The following FRY variants were observed in gnomAD, a reference collection of about 807,000 sequenced individuals.
FRY encodes FRY microtubule binding protein.
A neutral mutation model predicts 348.4 loss-of-function variants in FRY; 128 were observed. That is an observed-to-expected ratio of 0.37 (90% CI 0.32 to 0.43). The LOEUF is 0.43. Among genes scored for constraint, FRY ranks in the 20% least tolerant of loss-of-function variants. FRY has a pLI of 1.00. For synonymous variants in FRY, 1,370 were observed against 1,374.7 expected, an observed-to-expected ratio of 1.00 and a Z score of 0.08; for missense variants, 2,736 against 3,695.2, an observed-to-expected ratio of 0.74 and a Z score of 6.73.
In FRY at chr13:32,264,835, G is replaced by A. The variant is rs148079283; in HGVS notation, c.7780-615G>A. On this transcript the variant is annotated intron_variant, in intron 53 of 60. Coordinates refer to ENST00000542859, the MANE Select transcript of FRY (RefSeq NM_023037.3). ...TCTTAGAGGATCCCCTATATGGAAA[G>A]ACCGAGCAACCCAGCAGGCTCAGGG... 1.8e-3 allele frequency among the ~76,000 whole-genome samples: 276 copies of A among 152,304 alleles called. 1 individual carries two copies. The highest frequency in any genetic ancestry group is 6.2e-3 in the African/African-American group (258 of 41,566).
At chr13:32,113,490 A>G (rs866129966) in intron 3 of FRY, among the ~76,000 whole-genome samples, 6 of 152,238 alleles carry the variant, frequency 3.9e-5, no homozygotes, top group Non-Finnish European at 4.4e-5. Context: ...AAACATTTAC[A>G]AAGTACATTT....
At chr13:32,119,950 G>A (rs1473951557) in intron 4 of FRY, among the ~76,000 whole-genome samples, 2 of 152,072 alleles carry the variant, frequency 1.3e-5, no homozygotes, top group African/African-American at 2.4e-5. Context: ...AATTTGACTT[G>A]CTCAAAGTTA....
chr13:32,085,643 A>T (rs1875807310), intron 2 of FRY, among the ~76,000 whole-genome samples: 1 of 152,044 alleles, frequency 6.6e-6, no homozygotes, highest in African/African-American at 2.4e-5. Context: ...CATGTAGGAG[A>T]TGCTCATTTG....
At chr13:32,177,044 A>C (rs890241757) in intron 20 of FRY, among the ~76,000 whole-genome samples, 2 of 152,162 alleles carry the variant, frequency 1.3e-5, no homozygotes, top group Non-Finnish European at 2.9e-5. Flanking sequence ...GGCCACAATT[A>C]TAACACTCTT....
intron 1 of FRY, among the ~76,000 whole-genome samples, chr13:32,071,325 T>C (rs368541375): frequency 6.6e-6 from 1 of 152,246 alleles, no homozygotes; most frequent in African/African-American, 2.4e-5. Context: ...TTCATGGATA[T>C]TGATTCTTCC....
chr13:32,293,688 C>T (rs1478336221), intron 59 of FRY, among the ~76,000 whole-genome samples: 1 of 152,090 alleles, frequency 6.6e-6, no homozygotes, highest in Non-Finnish European at 1.5e-5. Flanking sequence ...CCTTTGGTTC[C>T]AGTAACTTCG....
chr13:32,041,283 C>CTTTTTTTTTTTTTT (rs11286980), intron 1 of FRY, among the ~76,000 whole-genome samples: 1 of 65,006 alleles, frequency 1.5e-5, no homozygotes, highest in Non-Finnish European at 2.8e-5. Flanking sequence ...TAATCTTCTG[C>CTTTTTTTTTTTTTT]TTTTTTTTTT....
chr13:32,293,625 A>T (rs1889485369), intron 59 of FRY, among the ~76,000 whole-genome samples: 1 of 152,220 alleles, frequency 6.6e-6, no homozygotes, highest in Non-Finnish European at 1.5e-5. Context: ...ATATTTTGAG[A>T]CACTTAGAAG....
chr13:32,276,981 C>G (rs1342370378), intron 57 of FRY, among the ~76,000 whole-genome samples: 2 of 152,216 alleles, frequency 1.3e-5, no homozygotes, highest in Non-Finnish European at 2.9e-5. Context: ...CCCAGGGCTT[C>G]TCTTGGCCTC....
chr13:32,046,471 A>G (rs1873021508), intron 1 of FRY, among the ~76,000 whole-genome samples: 1 of 152,126 alleles, frequency 6.6e-6, no homozygotes, highest in Non-Finnish European at 1.5e-5. Flanking sequence ...CATCTCCTCT[A>G]CTTTAAGTGG....
At chr13:32,265,308 C>A in intron 53 of FRY, 142 bp from the exon 54 acceptor site, 1 of 777,886 alleles carries the variant, frequency 1.3e-6, no homozygotes. Context: ...TAGAAACGGA[C>A]TATACTGTAG....
chr13:32,216,338 T>G (rs1266178754), intron 35 of FRY, among the ~76,000 whole-genome samples: 1 of 152,344 alleles, frequency 6.6e-6, no homozygotes, highest in Admixed American at 6.5e-5. Context: ...ACATACACTT[T>G]GCTACACTGT....
intron 7 of FRY, among the ~76,000 whole-genome samples, chr13:32,126,221 C>G (rs1879008874): frequency 6.6e-6 from 1 of 152,108 alleles, no homozygotes; most frequent in Admixed American, 6.6e-5. Context: ...TTGTCAAACC[C>G]TGAAAATCTC....
intron 1 of FRY, among the ~76,000 whole-genome samples, chr13:32,060,139 T>C (rs568815183): frequency 1.3e-5 from 2 of 152,354 alleles, no homozygotes; most frequent in African/African-American, 2.4e-5. Context: ...GGTTTCGGTC[T>C]CTTCACAGCT....
intron 1 of FRY, among the ~76,000 whole-genome samples, chr13:32,067,378 T>C (rs999867410): frequency 2.0e-5 from 3 of 151,950 alleles, no homozygotes; most frequent in African/African-American, 7.3e-5. Flanking sequence ...TTAACAAAAG[T>C]CTTGAGTTTA....
At chr13:32,125,567 AG>A (rs1878967645) in intron 7 of FRY, among the ~76,000 whole-genome samples, 1 of 152,258 alleles carries the variant, frequency 6.6e-6, no homozygotes, top group South Asian at 2.1e-4. Flanking sequence ...GTCAGCTTAA[AG>A]CAACAGTGAT....
intron 38 of FRY, 89 bp downstream of exon 38, chr13:32,225,125 T>C (rs997829723): frequency 2.2e-5 from 18 of 803,400 alleles, no homozygotes; most frequent in Non-Finnish European, 6.6e-6. Flanking sequence ...ATTGACATCC[T>C]GTTTGACTCA....
intron 37 of FRY, 134 bp from the exon 38 acceptor site, chr13:32,224,799 C>T: frequency 1.4e-6 from 1 of 702,248 alleles, no homozygotes; most frequent in South Asian, 1.5e-5. Flanking sequence ...AAGTTAAACT[C>T]TATTTCCCCC....
chr13:32,208,629 T>C (rs1884496315), intron 31 of FRY, among the ~76,000 whole-genome samples: 1 of 152,224 alleles, frequency 6.6e-6, no homozygotes, highest in South Asian at 2.1e-4. Flanking sequence ...AGCCTGTGCT[T>C]GCCCCACAGT....
Sources: allele counts gnomAD v4.1 joint callset (sites outside exome capture counted in the v4.1 genomes callset), GRCh38; gene constraint gnomAD v4.1.1; transcripts MANE v1.5; gene names NCBI Gene and HGNC (gene_info 2026-07-23, HGNC 2026-07-21).